The following KALRN variants were observed in gnomAD, a reference collection of about 807,000 sequenced individuals.
KALRN encodes kalirin.
KALRN carries 70 observed loss-of-function variants against 353.7 expected under a neutral mutation model. That is an observed-to-expected ratio of 0.20 (90% CI 0.16 to 0.24). The LOEUF is 0.24. KALRN is among the 10% of genes least tolerant of loss of function. KALRN has a pLI of 1.00. For synonymous variants in KALRN, 1,391 were observed against 1,434.8 expected, an observed-to-expected ratio of 0.97 and a Z score of 0.69; for missense variants, 2,791 against 3,756.7, an observed-to-expected ratio of 0.74 and a Z score of 6.72.
At chr3:124,695,109 G>A (rs1158597518) in intron 53 of KALRN, among the ~76,000 whole-genome samples, 1 of 152,168 alleles carries the variant, frequency 6.6e-6, no homozygotes, top group African/African-American at 2.4e-5. Context: ...CCTCACCTAA[G>A]AACAGTGTTA....
At chr3:124,232,040 T>C (rs2079216153) in intron 2 of KALRN, among the ~76,000 whole-genome samples, 2 of 152,206 alleles carry the variant, frequency 1.3e-5, no homozygotes, top group African/African-American at 4.8e-5. Context: ...CTTTCTGATA[T>C]CCTCTTGTCA....
At chr3:124,204,028 T>C (rs1179695113) in intron 1 of KALRN, among the ~76,000 whole-genome samples, 1 of 152,204 alleles carries the variant, frequency 6.6e-6, no homozygotes, top group Non-Finnish European at 1.5e-5. Flanking sequence ...GGTTTTGGTA[T>C]ACGCGGAGGT....
intron 6 of KALRN, among the ~76,000 whole-genome samples, chr3:124,305,013 G>A (rs187856227): frequency 1.2e-4 from 19 of 152,312 alleles, no homozygotes; most frequent in Non-Finnish European, 2.4e-4. Flanking sequence ...TGTTGGGAGA[G>A]ATAAGCCAAG....
At chr3:124,191,400 G>C (rs1237573350) in intron 1 of KALRN, among the ~76,000 whole-genome samples, 1 of 151,854 alleles carries the variant, frequency 6.6e-6, no homozygotes, top group Non-Finnish European at 1.5e-5. Context: ...TCCTGAAGCT[G>C]CCTAGGGGCC....
At chr3:124,149,059 G>C (rs2067737203) in intron 1 of KALRN, among the ~76,000 whole-genome samples, 1 of 152,184 alleles carries the variant, frequency 6.6e-6, no homozygotes, top group Non-Finnish European at 1.5e-5. Flanking sequence ...GAAACTCAGA[G>C]CAGATAAGTG....
chr3:124,362,838 CCTATGGACTCTTTAGTGT>C (rs1289656880), intron 10 of KALRN, among the ~76,000 whole-genome samples: 2 of 152,132 alleles, frequency 1.3e-5, no homozygotes, highest in Admixed American at 1.3e-4. Context: ...GAGGCTTTGA[CCTATGGACTCTTTAGTGT>C]CTTGGGAATT....
intron 37 of KALRN, among the ~76,000 whole-genome samples, chr3:124,642,808 T>TTTTTTTTTGTTGTTG (rs1559749896): frequency 1.0e-4 from 13 of 126,878 alleles, no homozygotes; most frequent in South Asian, 2.5e-4. Flanking sequence ...CAAGCCTCGT[T>TTTTTTTTTGTTGTTG]TTTTTTTTTT....
intron 1 of KALRN, chr3:124,164,259 T>A (rs2070462021): frequency 6.6e-6 from 1 of 152,340 alleles, no homozygotes; most frequent in Non-Finnish European, 1.5e-5. Flanking sequence ...GCAGTATAAA[T>A]GCAGATGGTG....
In KALRN at chr3:124,395,177, G is replaced by A; in HGVS notation, c.2005G>A (p.Asp669Asn). The A allele has an allele frequency of 6.2e-7, 1 of 1,613,530 alleles. No homozygotes were observed. The highest frequency in any genetic ancestry group is 1.3e-5 in the African/African-American group (1 of 74,848). The change falls in exon 12 of 60, where the codon GAT (aspartate) becomes AAT (asparagine). Residue 669 changes from aspartate to asparagine, a missense_variant. Physicochemically the swap from Asp to Asn is conservative, Grantham distance 23. Coordinates refer to ENST00000682506, the MANE Select transcript of KALRN (RefSeq NM_001388419.1). ...MEDLQKEMLE[D>N]VCADSVDAVQ... is the part of the protein sequence containing the mutation. ...AGACCTTCAGAAGGAGATGTTGGAG[G>A]ATGTCTGTGCAGATTCTGTGGATGC...
chr3:124,480,729 A>G (rs1244662406), intron 27 of KALRN, among the ~76,000 whole-genome samples: 6 of 152,138 alleles, frequency 3.9e-5, no homozygotes, highest in Non-Finnish European at 8.8e-5. Context: ...CCAACCCACA[A>G]GCAACCAATG....
At chr3:124,455,065 G>C in intron 21 of KALRN, 112 bp from the exon 22 acceptor site, 1 of 1,107,488 alleles carries the variant, frequency 9.0e-7, no homozygotes, top group Middle Eastern at 2.2e-4. Flanking sequence ...TACATACCCA[G>C]GTAGTCAGCT....
chr3:124,171,044 T>C (rs538836139), intron 1 of KALRN, among the ~76,000 whole-genome samples: 1 of 152,008 alleles, frequency 6.6e-6, no homozygotes, highest in Admixed American at 6.5e-5. Flanking sequence ...CTTGAACTCC[T>C]GGCCTCAAGT....
chr3:124,231,606 T>C (rs1407395065), intron 2 of KALRN, among the ~76,000 whole-genome samples: 3 of 152,192 alleles, frequency 2.0e-5, no homozygotes, highest in Non-Finnish European at 4.4e-5. Flanking sequence ...TCAAAGAAGT[T>C]TGGGAAATGC....
At chr3:124,083,121 G>A (rs1016094113) in intron 1 of KALRN, among the ~76,000 whole-genome samples, 9 of 152,200 alleles carry the variant, frequency 5.9e-5, no homozygotes, top group African/African-American at 2.2e-4. Flanking sequence ...ATAGTCTAGG[G>A]TGTGACATCT....
At chr3:124,143,904 C>A (rs2066953701) in intron 1 of KALRN, among the ~76,000 whole-genome samples, 1 of 152,066 alleles carries the variant, frequency 6.6e-6, no homozygotes, top group African/African-American at 2.4e-5. Flanking sequence ...CATTTTAGAA[C>A]AGGATAATCT....
At chr3:124,076,037 C>T (rs1292746672) in intron 1 of KALRN, among the ~76,000 whole-genome samples, 1 of 152,228 alleles carries the variant, frequency 6.6e-6, no homozygotes, top group Non-Finnish European at 1.5e-5. Context: ...CGCTACTGGC[C>T]TGACGTGCTT....
At chr3:124,193,771 A>G (rs916901921) in intron 1 of KALRN, among the ~76,000 whole-genome samples, 1 of 152,028 alleles carries the variant, frequency 6.6e-6, no homozygotes, top group Non-Finnish European at 1.5e-5. Context: ...TTTCTTTAAT[A>G]TATTTTCCCT....
chr3:124,340,311 CA>C (rs1331083251), intron 9 of KALRN, among the ~76,000 whole-genome samples: 3 of 152,052 alleles, frequency 2.0e-5, no homozygotes, highest in Non-Finnish European at 2.9e-5. Flanking sequence ...TGCCTGATCT[CA>C]GGAATTCAAG....
At position 124,610,140 on chromosome 3, in the gene KALRN, T is replaced by G. The variant is rs138102394; in HGVS notation, c.5183-22280T>G. The stretch of plus-strand genomic sequence containing the variant: ...AAACAGGGGAAAAAAATTCCCTGCC[T>G]TCATGGAGCTTTTAGTGAGGAGAGT... On this transcript the variant is annotated intron_variant, in intron 34 of 59. Transcript: ENST00000682506. 2.1e-3 allele frequency among the ~76,000 whole-genome samples: 323 copies of G among 152,344 alleles called. 1 individual carries two copies. The highest frequency in any genetic ancestry group is 3.0e-3 in the Non-Finnish European group (201 of 68,036).
Sources: allele counts gnomAD v4.1 joint callset (sites outside exome capture counted in the v4.1 genomes callset), GRCh38; gene constraint gnomAD v4.1.1; transcripts MANE v1.5; gene names NCBI Gene and HGNC (gene_info 2026-07-23, HGNC 2026-07-21).